The following DLGAP2 variants were observed in gnomAD, a reference collection of about 807,000 sequenced individuals.
The protein encoded by DLGAP2 is DLG associated protein 2, also known as disks large-associated protein 2.
In DLGAP2, 26 loss-of-function variants were observed where a neutral mutation model predicts 100.3. That is an observed-to-expected ratio of 0.26 (90% CI 0.19 to 0.36). The LOEUF (loss-of-function observed/expected upper bound fraction) is 0.36, where lower values mean the gene tolerates loss of function less well. Ranked by LOEUF, DLGAP2 falls within the 10% of genes least tolerant of loss-of-function variation. The pLI is 1.00. For missense variants in DLGAP2, 1,858 were observed against 1,453.2 expected (o/e 1.28, Z -4.53); for synonymous variants, 886 against 630.1 (o/e 1.41, Z -6.08).
chr8:1,262,622 G>A (rs1188292486), intron 3 of DLGAP2: 1 of 152,094 alleles, frequency 6.6e-6, no homozygotes. Flanking sequence ...TACTAAGACG[G>A]TCTCAATTTA....
In DLGAP2 at chr8:1,263,403, C is replaced by T. The variant is rs151149416; in HGVS notation, c.106+4520C>T. 3.2e-3 allele frequency among the ~76,000 whole-genome samples: 490 copies of T among 152,222 alleles called. 3 individuals are homozygous for T. Among genetic ancestry groups the T allele is most frequent in the African/African-American group, 0.011 (457 of 41,538 alleles). Reference sequence around the variant, plus strand: ...TGCTGCCCTTGGAATTTTGGGAAGACCTACAGAATCTTATATTTTAGAATT... The same window carrying T: ...TGCTGCCCTTGGAATTTTGGGAAGATCTACAGAATCTTATATTTTAGAATT... On this transcript the variant is annotated intron_variant, in intron 3 of 14. Transcript: ENST00000637795.
At chr8:1,087,482 T>C (rs1176899832) in intron 2 of DLGAP2, among the ~76,000 whole-genome samples, 1 of 151,862 alleles carries the variant, frequency 6.6e-6, no homozygotes, top group Non-Finnish European at 1.5e-5. Context: ...TTTGGCAGGA[T>C]GATTTGTAAT....
chr8:1,478,842 A>T (rs1472124101), intron 3 of DLGAP2, among the ~76,000 whole-genome samples: 1 of 152,256 alleles, frequency 6.6e-6, no homozygotes, highest in African/African-American at 2.4e-5. Context: ...GATGAAGATC[A>T]GTCATTAGCC....
At chr8:1,175,406 A>G (rs191785222) in intron 2 of DLGAP2, among the ~76,000 whole-genome samples, 115 of 152,356 alleles carry the variant, frequency 7.5e-4, no homozygotes, top group Middle Eastern at 3.4e-3. Flanking sequence ...TTACATTACC[A>G]TCATAGTTGT....
At chr8:948,678 G>T (rs1229258410) in intron 2 of DLGAP2, among the ~76,000 whole-genome samples, 1 of 152,236 alleles carries the variant, frequency 6.6e-6, no homozygotes, top group African/African-American at 2.4e-5. Flanking sequence ...CCGCGGCGCT[G>T]CCCGGCCCCA....
chr8:867,254 C>G (rs532410836), intron 1 of DLGAP2, among the ~76,000 whole-genome samples: 15 of 152,230 alleles, frequency 9.9e-5, no homozygotes, highest in Non-Finnish European at 1.6e-4. Flanking sequence ...ATGCAACCAG[C>G]TCTTTGCTTT....
intron 3 of DLGAP2, among the ~76,000 whole-genome samples, chr8:1,486,307 C>T (rs1391299347): frequency 1.3e-5 from 2 of 152,182 alleles, no homozygotes; most frequent in Non-Finnish European, 1.5e-5. Flanking sequence ...GTTCAAAGAG[C>T]ATTTGCAAAA....
chr8:1,435,159 G>T (rs1441504433), intron 3 of DLGAP2, among the ~76,000 whole-genome samples: 1 of 152,228 alleles, frequency 6.6e-6, no homozygotes, highest in Non-Finnish European at 1.5e-5. Flanking sequence ...ACAGTTTGGG[G>T]ATATTTGGGT....
chr8:855,246 C>G (rs947252921), intron 1 of DLGAP2, among the ~76,000 whole-genome samples: 1 of 152,194 alleles, frequency 6.6e-6, no homozygotes, highest in Admixed American at 6.5e-5. Context: ...CATTTCCTTT[C>G]TCTTTTTTCA....
intron 2 of DLGAP2, among the ~76,000 whole-genome samples, chr8:1,253,049 A>T (rs1563041586): frequency 6.6e-6 from 1 of 152,138 alleles, no homozygotes; most frequent in Non-Finnish European, 1.5e-5. Flanking sequence ...CGCTGCTTGC[A>T]CTGCACGGCC....
chr8:1,452,274 T>G (rs919803679), intron 3 of DLGAP2, among the ~76,000 whole-genome samples: 15 of 152,226 alleles, frequency 9.9e-5, no homozygotes, highest in African/African-American at 3.6e-4. Flanking sequence ...GGCTGGGTGT[T>G]CTGTGGCTGG....
chr8:1,484,971 A>G (rs1450357050), intron 3 of DLGAP2, among the ~76,000 whole-genome samples: 1 of 152,188 alleles, frequency 6.6e-6, no homozygotes, highest in Non-Finnish European at 1.5e-5. Context: ...TGCAATGTCA[A>G]TAAGAAGGCA....
chr8:1,315,968 C>T (rs77425752), intron 3 of DLGAP2, among the ~76,000 whole-genome samples: 6 of 100,058 alleles, frequency 6.0e-5, no homozygotes, highest in Non-Finnish European at 8.4e-5. Flanking sequence ...CGAGAAACTT[C>T]GCAGCTTTTA....
At chr8:1,228,863 G>A (rs901385592) in intron 2 of DLGAP2, among the ~76,000 whole-genome samples, 5 of 152,066 alleles carry the variant, frequency 3.3e-5, no homozygotes, top group Admixed American at 6.6e-5. Flanking sequence ...CTCAGTGACC[G>A]GGAGCAAGAC....
intron 3 of DLGAP2, among the ~76,000 whole-genome samples, chr8:1,386,798 G>T (rs144912440): frequency 6.6e-6 from 1 of 152,194 alleles, no homozygotes; most frequent in Non-Finnish European, 1.5e-5. Flanking sequence ...AAGAAAAAAA[G>T]GATTGATTTT....
intron 3 of DLGAP2, among the ~76,000 whole-genome samples, chr8:1,348,565 C>G (rs1218719698): frequency 6.6e-6 from 1 of 151,026 alleles, no homozygotes; most frequent in Non-Finnish European, 1.5e-5. Flanking sequence ...CTCGTGGTAG[C>G]TATGTGGAGG....
chr8:1,212,917 T>C (rs182420060), intron 2 of DLGAP2, among the ~76,000 whole-genome samples: 17 of 152,166 alleles, frequency 1.1e-4, no homozygotes, highest in African/African-American at 4.1e-4. Context: ...CGTTGGAAAA[T>C]TTTAGTGCTC....
intron 2 of DLGAP2, among the ~76,000 whole-genome samples, chr8:972,553 T>C (rs894818574): frequency 1.3e-5 from 2 of 152,186 alleles, no homozygotes; most frequent in Admixed American, 1.3e-4. Context: ...TAAAAATCAG[T>C]GAGCTTAAGG....
At chr8:896,423 G>A (rs557302904) in intron 1 of DLGAP2, among the ~76,000 whole-genome samples, 2 of 151,736 alleles carry the variant, frequency 1.3e-5, no homozygotes, top group East Asian at 3.9e-4. Flanking sequence ...GGGCGGGGGG[G>A]CTGGGTGGTG....
Sources: allele counts gnomAD v4.1 joint callset (sites outside exome capture counted in the v4.1 genomes callset), GRCh38; gene constraint gnomAD v4.1.1; transcripts MANE v1.5; gene names NCBI Gene and HGNC (gene_info 2026-07-23, HGNC 2026-07-21).